Variants in LYG2 observed in about 807,000 individuals in gnomAD.
The protein encoded by LYG2 is lysozyme g-like protein 2.
LYG2 carries 25 observed loss-of-function variants against 22.4 expected under a neutral mutation model. That is an observed-to-expected ratio of 1.12 (90% CI 0.81 to 1.56). The LOEUF (loss-of-function observed/expected upper bound fraction) is 1.56, where lower values mean the gene tolerates loss of function less well. Among genes scored for constraint, LYG2 ranks in the 40% most tolerant of loss-of-function variants. LYG2 has a pLI of 0.00. For missense variants in LYG2, 266 were observed against 269.5 expected, an observed-to-expected ratio of 0.99 and a Z score of 0.09; for synonymous variants, 88 against 97.0, an observed-to-expected ratio of 0.91 and a Z score of 0.55.
At position 99,243,958 on chromosome 2, in the gene LYG2, T is replaced by G. The variant is rs762983586; in HGVS notation, c.520+41A>C. 5 of 1,612,916 alleles carry G rather than the reference T, an allele frequency of 3.1e-6. No homozygotes were observed. The East Asian group carries it at 1.1e-4, about 36-fold the overall frequency. ...GTCACACTGGCCTTCAGTGGTCTCA[T>G]TCATTGCTCATTTAAACAAAGTACT... is the stretch of plus-strand genomic sequence containing the variant. On this transcript the variant is annotated intron_variant, in intron 6 of 6. Transcript: ENST00000333017.
Position 99,242,439 on chromosome 2 carries a change from G to T in LYG2, c.564C>A (p.Thr188=). 2 of 1,613,002 alleles carry T rather than the reference G, an allele frequency of 1.2e-6. No homozygotes were observed. Among genetic ancestry groups the T allele is most frequent in the Middle Eastern group, 1.7e-4 (1 of 6,056 alleles). Residue 188 remains threonine (T), a synonymous_variant, in exon 7 of 7, where the codon ACC becomes ACA. Transcript: ENST00000333017. ...CGAAGTCATTGTCTATGTCCGATGG[G>T]GTGGCAATCGCTTCAATTCCTGACT... ...AFKSGIEAIA[T]PSDIDNDFVN...
chr2:99,243,908 T>C, intron 6 of LYG2, 91 bp downstream of exon 6: 1 of 1,496,188 alleles, frequency 6.7e-7, no homozygotes, highest in Non-Finnish European at 9.3e-7. Flanking sequence ...GCTGACCCCG[T>C]GGAAATGCTC....
At chr2:99,245,054 T>C (rs894771944) in intron 5 of LYG2, among the ~76,000 whole-genome samples, 4 of 149,636 alleles carry the variant, frequency 2.7e-5, no homozygotes, top group African/African-American at 9.9e-5. Context: ...GAGGTTGCAG[T>C]GAGCCGAGAT....
Position 99,254,304 on chromosome 2 carries a change from G to T in LYG2, c.-25-19C>A. The stretch of plus-strand genomic sequence containing the variant: ...CCAGGACCTGCTCTGATTTGAAATA[G>T]AAACTGGTTAATTTTAAAACCTGAA... On this transcript the variant is annotated intron_variant, in intron 2 of 6. Transcript: ENST00000333017. 6.3e-7 allele frequency: 1 copy of T among 1,580,694 alleles called. No individual in the cohort carries two copies. The highest frequency in any genetic ancestry group is 8.6e-7 in the Non-Finnish European group (1 of 1,159,684).
At chr2:99,253,047 TCA>T (rs2094029994) in intron 3 of LYG2, among the ~76,000 whole-genome samples, 1 of 49,610 alleles carries the variant, frequency 2.0e-5, no homozygotes. Context: ...AGACTCTGTC[TCA>T]AAAAAAAAAA....
chr2:99,256,438 C>T (rs189620837), upstream of LYG2, among the ~76,000 whole-genome samples: 1 of 152,278 alleles, frequency 6.6e-6, no homozygotes, highest in Admixed American at 6.5e-5. Flanking sequence ...GTCTAACTGC[C>T]CTGAGGCAGG....
chr2:99,251,776 A>G (rs931970186), intron 3 of LYG2, among the ~76,000 whole-genome samples: 8 of 152,066 alleles, frequency 5.3e-5, no homozygotes, highest in Non-Finnish European at 1.2e-4. Context: ...GAAATGTTCA[A>G]GATGAACCAG....
At chr2:99,259,263 T>C (rs2094042891), upstream of LYG2, among the ~76,000 whole-genome samples, 2 of 151,782 alleles carry the variant, frequency 1.3e-5, 1 homozygote, top group South Asian at 4.1e-4. Context: ...TCTTCACAGA[T>C]TGTAAGTTCT....
intron 5 of LYG2, 97 bp from the exon 6 acceptor site, chr2:99,244,234 C>T (rs958882666): frequency 2.9e-5 from 35 of 1,200,972 alleles, no homozygotes; most frequent in Non-Finnish European, 3.9e-5. Flanking sequence ...TCATAGATAC[C>T]GGCCTTTATC....
upstream of LYG2, among the ~76,000 whole-genome samples, chr2:99,258,742 A>G (rs1159034272): frequency 1.3e-5 from 2 of 152,150 alleles, no homozygotes; most frequent in Non-Finnish European, 2.9e-5. Context: ...AAAACATTCA[A>G]CTTAACCCCA....
intron 6 of LYG2, chr2:99,243,472 C>A: frequency 1.3e-6 from 2 of 1,546,910 alleles, no homozygotes; most frequent in Non-Finnish European, 1.7e-6. Context: ...CAGGAAAAAA[C>A]CTATGAGAGG....
chr2:99,259,213 GAAA>G (rs34539986), upstream of LYG2, among the ~76,000 whole-genome samples: 8 of 146,272 alleles, frequency 5.5e-5, no homozygotes, highest in African/African-American at 2.0e-4. Flanking sequence ...CAAGAGCAAT[GAAA>G]AAAAAAAAAA....
intron 6 of LYG2, chr2:99,243,343 G>C: frequency 8.5e-7 from 1 of 1,181,936 alleles, no homozygotes; most frequent in Non-Finnish European, 1.2e-6. Context: ...GAACTTGAGG[G>C]GGCCTGTGGT....
rs1382224829 is a variant in LYG2, at chr2:99,254,775, TC to T, written c.-26+244del. On this transcript the variant is annotated intron_variant, in intron 2 of 6. Coordinates refer to ENST00000333017, the MANE Select transcript of LYG2 (RefSeq NM_175735.4). ...GCCTCAAACTCCTGGGCTCAAGCGA[TC>T]CTCCCACCTCAGCCTCCTGAGTAGC... Among the ~76,000 whole-genome samples the T allele has an allele frequency of 1.2e-4, 19 of 152,136 alleles. No individual in the cohort carries two copies. The East Asian group carries it at 3.7e-3, about 29-fold the overall frequency.
At chr2:99,252,623 A>T (rs2105274954) in intron 3 of LYG2, among the ~76,000 whole-genome samples, 1 of 152,310 alleles carries the variant, frequency 6.6e-6, no homozygotes, top group South Asian at 2.1e-4. Flanking sequence ...GGGATTGTTT[A>T]AATTATCTGG....
intron 3 of LYG2, among the ~76,000 whole-genome samples, chr2:99,247,870 C>T (rs1445831989): frequency 6.6e-6 from 1 of 151,732 alleles, no homozygotes; most frequent in Non-Finnish European, 1.5e-5. Context: ...ACAATGAACT[C>T]AAACAAATTT....
upstream of LYG2, among the ~76,000 whole-genome samples, chr2:99,258,026 A>C (rs1283509365): frequency 2.6e-5 from 4 of 152,196 alleles, no homozygotes; most frequent in African/African-American, 9.6e-5. Flanking sequence ...GAGTTAAAGG[A>C]ATCCAGCACC....
At chr2:99,244,228 A>G in intron 5 of LYG2, 91 bp from the exon 6 acceptor site, 4 of 1,291,998 alleles carry the variant, frequency 3.1e-6, no homozygotes, top group Non-Finnish European at 4.3e-6. Flanking sequence ...TTCAAGTCAT[A>G]GATACCGGCC....
chr2:99,245,402 G>A lies in LYG2; in HGVS notation c.241C>T (p.Gln81Ter), dbSNP rs375813398. The A allele has an allele frequency of 4.4e-5, 71 of 1,612,368 alleles. No individual in the cohort carries two copies. In the East Asian group the frequency reaches 1.3e-3, roughly 29 times the overall value. ...TGCCCGACTTCTTTGATCAGAGTCT[G>A]GTAAGGTTTTATGGCCCTCAAATCC... Reference protein sequence around the residue: ...EMDLRAIKPYQTLIKEVGQRH... With the variant: ...EMDLRAIKPY The change falls in exon 5 of 7, where the codon CAG (glutamine) becomes TAG (stop). Residue 81 changes from glutamine (Q) to a stop codon, truncating the protein, a stop_gained. Transcript: ENST00000333017. LOFTEE classifies it high-confidence loss of function.
Sources: allele counts gnomAD v4.1 joint callset (sites outside exome capture counted in the v4.1 genomes callset), GRCh38; gene constraint gnomAD v4.1.1; transcripts MANE v1.5; gene names NCBI Gene and HGNC (gene_info 2026-07-23, HGNC 2026-07-21).